Variants in L2HGDH observed in about 807,000 individuals in gnomAD.
L2HGDH encodes the protein L-2-hydroxyglutarate dehydrogenase, mitochondrial.
In L2HGDH, 34 loss-of-function variants were observed where a neutral mutation model predicts 51.5. That is an observed-to-expected ratio of 0.66 (90% CI 0.50 to 0.88). The LOEUF is 0.88. Among genes scored for constraint, L2HGDH ranks in the 40% least tolerant of loss-of-function variants. The pLI, the probability that L2HGDH is intolerant of heterozygous loss-of-function variation, is 0.00. For missense variants in L2HGDH, 558 were observed against 571.9 expected (o/e 0.98, Z 0.25); for synonymous variants, 198 against 197.9 (o/e 1.00, Z -0.01).
At chr14:50,268,149 C>T (rs1007951836) in intron 7 of L2HGDH, among the ~76,000 whole-genome samples, 2 of 152,006 alleles carry the variant, frequency 1.3e-5, no homozygotes, top group Non-Finnish European at 2.9e-5. Flanking sequence ...GAGGCTGAGG[C>T]GTGAGGATCA....
rs1368616143 is a variant in L2HGDH, at chr14:50,242,461, T to G, written c.*4597A>C. The stretch of plus-strand genomic sequence containing the variant: ...AAAATAAGATAACTTTAATGTGAGA[T>G]CCTTCCCATAAGCAGAAAATACAAG... On this transcript the variant is annotated 3_prime_UTR_variant, in exon 10 of 10. Coordinates refer to ENST00000267436, the MANE Select transcript of L2HGDH (RefSeq NM_024884.3). The G allele has an allele frequency of 1.0e-6, 1 of 983,006 alleles. No homozygotes were observed. Among genetic ancestry groups the G allele is most frequent in the Non-Finnish European group, 1.2e-6 (1 of 827,838 alleles). The allele number at this position is 983,006 out of a possible 1,614,324, so 60.9% of individuals were successfully genotyped here.
In L2HGDH at chr14:50,294,250, CAA is replaced by C. The variant is rs368650202; in HGVS notation, c.409-6_409-5del. The C allele has an allele frequency of 2.7e-5, 33 of 1,216,248 alleles. No homozygotes were observed. Among genetic ancestry groups the C allele is most frequent in the East Asian group, 5.9e-5 (2 of 33,746 alleles). The allele number at this position is 1,216,248 out of a possible 1,614,324, so 75.3% of individuals were successfully genotyped here. On this transcript the variant is annotated splice_polypyrimidine_tract_variant and splice_region_variant and intron_variant, in intron 3 of 9. Transcript: ENST00000267436. ...CTTGTTCAACAGCTACTATAAGCTT[CAA>C]AAAAAAAAAGGTAAGGAGCATGGAT...
chr14:50,286,294 T>C (rs537896190), intron 4 of L2HGDH, among the ~76,000 whole-genome samples: 2 of 152,128 alleles, frequency 1.3e-5, no homozygotes, highest in African/African-American at 4.8e-5. Flanking sequence ...CAGTCAAGAG[T>C]TACCTTCGGC....
At chr14:50,263,766 C>G (rs116713532) in intron 9 of L2HGDH, among the ~76,000 whole-genome samples, 12 of 138,008 alleles carry the variant, frequency 8.7e-5, no homozygotes, top group African/African-American at 2.5e-4. Flanking sequence ...GTCTAGAAAG[C>G]CTTTTATCTT....
At chr14:50,252,022 A>G (rs1888384572) in intron 9 of L2HGDH, among the ~76,000 whole-genome samples, 2 of 152,132 alleles carry the variant, frequency 1.3e-5, no homozygotes, top group African/African-American at 4.8e-5. Flanking sequence ...ACATAGAAAG[A>G]TTAAATGATG....
chr14:50,246,908 A>G lies in L2HGDH; in HGVS notation c.*150T>C. ...TGGCTAATTTTTGTAGAAAATTATT[A>G]TTTCTATGTTACATCATTTTAACAA... On this transcript the variant is annotated 3_prime_UTR_variant, in exon 10 of 10. Transcript: ENST00000267436. The G allele has an allele frequency of 7.6e-7, 1 of 1,308,156 alleles. No individual in the cohort carries two copies. Among genetic ancestry groups the G allele is most frequent in the Non-Finnish European group, 1.0e-6 (1 of 979,430 alleles). 81.0% of individuals were successfully genotyped at this position (1,308,156 alleles called of 1,614,324 possible). A position where few individuals can be genotyped will look rare whatever the true frequency, so the allele number is the denominator to read the frequency against.
intron 8 of L2HGDH, among the ~76,000 whole-genome samples, chr14:50,266,565 C>T (rs1009595874): frequency 2.6e-5 from 4 of 152,130 alleles, no homozygotes; most frequent in Admixed American, 6.6e-5. Context: ...CTGATTGATC[C>T]CAGGAGGTTG....
At chr14:50,304,171 G>GT (rs1398724387) in intron 1 of L2HGDH, among the ~76,000 whole-genome samples, 2 of 152,222 alleles carry the variant, frequency 1.3e-5, no homozygotes, top group Non-Finnish European at 2.9e-5. Flanking sequence ...TAACACAATG[G>GT]TAAGTATCTG....
intron 9 of L2HGDH, 85 bp downstream of exon 9, chr14:50,265,273 G>GTAC: frequency 8.7e-7 from 1 of 1,152,642 alleles, no homozygotes; most frequent in East Asian, 2.4e-5. Context: ...CTCTGAAATG[G>GTAC]TACTTACTAA....
intron 9 of L2HGDH, among the ~76,000 whole-genome samples, chr14:50,255,285 A>G (rs1011587179): frequency 6.6e-6 from 1 of 152,048 alleles, no homozygotes; most frequent in Admixed American, 6.6e-5. Context: ...CTGTAATCCC[A>G]GAACTTCGAG....
rs545388262 is a variant in L2HGDH at position 50,295,572 on chromosome 14, ATTTTTT to A, written c.409-1332_409-1327del. The stretch of plus-strand genomic sequence containing the variant: ...CAGGCATGTGCACCACACTCGGCTA[ATTTTTT>A]TTTTTTTTTTTTTTTTTTTTTTTAG... On this transcript the variant is annotated intron_variant, in intron 3 of 9. Coordinates refer to ENST00000267436, the MANE Select transcript of L2HGDH (RefSeq NM_024884.3). 6.1e-3 allele frequency among the ~76,000 whole-genome samples: 647 copies of A among 105,752 alleles called. 5 individuals are homozygous for A. The highest frequency in any genetic ancestry group is 0.027 in the Middle Eastern group (5 of 184). 69.4% of individuals were successfully genotyped at this position (105,752 alleles called of 152,430 possible).
At chr14:50,256,307 G>A (rs1293319110) in intron 9 of L2HGDH, among the ~76,000 whole-genome samples, 1 of 151,854 alleles carries the variant, frequency 6.6e-6, no homozygotes, top group East Asian at 1.9e-4. Flanking sequence ...TTGAGCCCAG[G>A]AGTTCCAAAC....
At chr14:50,266,415 G>C (rs928999577) in intron 8 of L2HGDH, among the ~76,000 whole-genome samples, 1 of 152,160 alleles carries the variant, frequency 6.6e-6, no homozygotes, top group African/African-American at 2.4e-5. Context: ...GGCCAAGGCA[G>C]GTGGATTGCT....
At chr14:50,252,242 T>C (rs1595063268) in intron 9 of L2HGDH, among the ~76,000 whole-genome samples, 1 of 152,104 alleles carries the variant, frequency 6.6e-6, no homozygotes, top group Non-Finnish European at 1.5e-5. Flanking sequence ...GCAAGCCTCA[T>C]GGTAAAATAG....
chr14:50,270,008 C>T (rs1179939654), intron 6 of L2HGDH, among the ~76,000 whole-genome samples: 2 of 152,132 alleles, frequency 1.3e-5, no homozygotes, highest in Non-Finnish European at 2.9e-5. Flanking sequence ...GAGCAATTAC[C>T]GTGTTACTCT....
At chr14:50,301,301 T>G (rs530094235) in intron 3 of L2HGDH, among the ~76,000 whole-genome samples, 1 of 152,262 alleles carries the variant, frequency 6.6e-6, no homozygotes, top group African/African-American at 2.4e-5. Flanking sequence ...ACCCTGACAA[T>G]CCAGCAATTC....
At chr14:50,305,949 T>A (rs1356250894) in intron 1 of L2HGDH, among the ~76,000 whole-genome samples, 2 of 152,210 alleles carry the variant, frequency 1.3e-5, no homozygotes, top group South Asian at 2.1e-4. Flanking sequence ...TATTTTAAAT[T>A]GTGTTATTTT....
intron 3 of L2HGDH, among the ~76,000 whole-genome samples, chr14:50,300,910 G>A (rs949815073): frequency 2.6e-5 from 4 of 151,978 alleles, no homozygotes; most frequent in African/African-American, 7.2e-5. Flanking sequence ...CTGCAGCCTT[G>A]ATCTCCCAGG....
At chr14:50,268,672 A>T (rs1404831768) in intron 7 of L2HGDH, among the ~76,000 whole-genome samples, 1 of 152,226 alleles carries the variant, frequency 6.6e-6, no homozygotes, top group East Asian at 1.9e-4. Flanking sequence ...TGACTATTTC[A>T]TCTGGTTCGA....
Sources: allele counts gnomAD v4.1 joint callset (sites outside exome capture counted in the v4.1 genomes callset), GRCh38; gene constraint gnomAD v4.1.1; transcripts MANE v1.5; gene names NCBI Gene and HGNC (gene_info 2026-07-23, HGNC 2026-07-21).